HEATR5A: variants seen among roughly 807,000 people sequenced by gnomAD.
The protein encoded by HEATR5A is HEAT repeat containing 5A.
In HEATR5A, 178 loss-of-function variants were observed where a neutral mutation model predicts 218.8. The ratio of observed to expected loss-of-function variants is 0.81; its 90% CI spans 0.72 to 0.92. The LOEUF is 0.92. Ranked by LOEUF, HEATR5A falls within the 40% of genes least tolerant of loss-of-function variation. The probability of loss-of-function intolerance (pLI) is 0.00; values close to 1 mark genes in which losing one functional copy is unlikely to be tolerated. For missense variants in HEATR5A, 2,420 were observed against 2,418.9 expected (o/e 1.00, Z -0.01); for synonymous variants, 864 against 871.6 (o/e 0.99, Z 0.15).
intron 30 of HEATR5A, among the ~76,000 whole-genome samples, chr14:31,307,312 A>G (rs1899586501): frequency 6.6e-6 from 1 of 152,244 alleles, no homozygotes; most frequent in Non-Finnish European, 1.5e-5. Flanking sequence ...TATCAAAAGT[A>G]TCTGCCCAAT....
At chr14:31,371,551 C>T (rs1595147564) in intron 13 of HEATR5A, 1 of 258,076 alleles carries the variant, frequency 3.9e-6, no homozygotes, top group East Asian at 7.1e-5. Flanking sequence ...AAATGCATAG[C>T]TGAAAAGGTT....
chr14:31,389,697 A>T (rs1034414009), intron 6 of HEATR5A, among the ~76,000 whole-genome samples: 5 of 152,212 alleles, frequency 3.3e-5, no homozygotes, highest in Non-Finnish European at 7.3e-5. Flanking sequence ...ATTAATGGTC[A>T]CAAGCTCTGA....
In HEATR5A at chr14:31,305,047, C is replaced by A; in HGVS notation, c.5097G>T (p.Gln1699His). Residue 1699 changes from glutamine (Q) to histidine (H), a missense_variant, in exon 32 of 36, where the codon CAG (glutamine) becomes CAT (histidine). Physicochemically the swap from Gln to His is conservative, Grantham distance 24 (BLOSUM62 0). Transcript: ENST00000543095. Reference sequence around the variant, plus strand: ...TCAATTTAGGGTTTAATTCTGGGAGCTGTCTAACTAGAATGCATACACACA... The same window carrying A: ...TCAATTTAGGGTTTAATTCTGGGAGATGTCTAACTAGAATGCATACACACA... ...LELCVCILVR[Q>H]LPELNPKLTG... The A allele has an allele frequency of 6.2e-7, 1 of 1,613,930 alleles. No individual in the cohort carries two copies. The highest frequency in any genetic ancestry group is 1.1e-5 in the South Asian group (1 of 91,084).
chr14:31,372,046 G>A, intron 12 of HEATR5A, 137 bp from the exon 13 acceptor site: 1 of 495,260 alleles, frequency 2.0e-6, no homozygotes, highest in Non-Finnish European at 3.6e-6. Flanking sequence ...TGAAACTCTA[G>A]TATAAAAAGG....
chr14:31,405,890 T>C (rs2031043547), intron 1 of HEATR5A, among the ~76,000 whole-genome samples: 1 of 152,194 alleles, frequency 6.6e-6, no homozygotes, highest in Non-Finnish European at 1.5e-5. Context: ...AATTATTCAG[T>C]AAAAAGCTTG....
At position 31,358,914 on chromosome 14, in the gene HEATR5A, G is replaced by T; in HGVS notation, c.2215C>A (p.His739Asn). Residue 739 changes from histidine (H) to asparagine (N), a missense_variant, in exon 15 of 36, where the codon CAT becomes AAT. By Grantham distance (68) the His-to-Asn change is moderately conservative (BLOSUM62 1). Coordinates refer to ENST00000543095, the MANE Select transcript of HEATR5A (RefSeq NM_015473.4). The part of the protein sequence containing the change: ...ILSPFLQETD[H>N]RFIEEQLLLG... ...CATACCTGTTCTTCAATAAATCTAT[G>T]GTCAGTCTCTTGTAGGAAAGGACTT... 1 of 1,596,090 alleles carries T rather than the reference G, an allele frequency of 6.3e-7. No homozygotes were observed. The highest frequency in any genetic ancestry group is 1.1e-5 in the South Asian group (1 of 87,800).
chr14:31,296,093 T>A (rs1241474480), intron 33 of HEATR5A, 30 bp from the exon 34 acceptor site: 1 of 1,588,732 alleles, frequency 6.3e-7, no homozygotes, highest in African/African-American at 1.3e-5. Context: ...TAGAAACAGT[T>A]CATATTTACT....
chr14:31,312,819 G>A, intron 28 of HEATR5A, 149 bp downstream of exon 28: 9 of 633,976 alleles, frequency 1.4e-5, no homozygotes, highest in Non-Finnish European at 2.2e-5. Context: ...GATCGCCTGA[G>A]CCCAGGAGGC....
At chr14:31,364,715 C>T (rs987841602) in intron 13 of HEATR5A, among the ~76,000 whole-genome samples, 14 of 152,124 alleles carry the variant, frequency 9.2e-5, no homozygotes, top group Admixed American at 8.5e-4. Flanking sequence ...CAAGCCACCA[C>T]ACCTGGCCAC....
chr14:31,381,484 A>G (rs1198273079), intron 10 of HEATR5A, among the ~76,000 whole-genome samples: 3 of 148,238 alleles, frequency 2.0e-5, no homozygotes, highest in Non-Finnish European at 4.4e-5. Flanking sequence ...GAAATTCAAG[A>G]CCAGCCTAGG....
intron 33 of HEATR5A, among the ~76,000 whole-genome samples, chr14:31,299,162 C>A (rs760757724): frequency 5.3e-5 from 8 of 152,156 alleles, no homozygotes; most frequent in Non-Finnish European, 1.0e-4. Flanking sequence ...GTATCTCTAG[C>A]CCAGACTACT....
intron 22 of HEATR5A, among the ~76,000 whole-genome samples, chr14:31,333,504 G>A (rs1395695119): frequency 1.3e-5 from 2 of 151,790 alleles, no homozygotes; most frequent in Admixed American, 6.6e-5. Context: ...CACCCACCTC[G>A]GCCTTCCAAA....
rs756193669 is a variant in HEATR5A, at chr14:31,388,846, T to C, written c.932A>G (p.Gln311Arg). 6.2e-7 allele frequency: 1 copy of C among 1,613,232 alleles called. No homozygotes were observed. The highest frequency in any genetic ancestry group is 8.5e-7 in the Non-Finnish European group (1 of 1,179,340). The change falls in exon 7 of 36, where the codon CAG becomes CGG. Residue 311 changes from glutamine to arginine, a missense_variant and splice_region_variant. Gln to Arg is a conservative substitution (Grantham distance 43). Coordinates refer to ENST00000543095, the MANE Select transcript of HEATR5A (RefSeq NM_015473.4). Reference protein sequence around the residue: ...VSRDVRVGVTQAYVVFVSTLG... With the variant: ...VSRDVRVGVTRAYVVFVSTLG... ...GAGATACTGATTTGTGATTCCAACC[T>C]GAGTAACTCCAACTCGAACATCCCT... is the stretch of plus-strand genomic sequence containing the variant.
intron 2 of HEATR5A, among the ~76,000 whole-genome samples, chr14:31,402,383 T>C (rs1162902577): frequency 6.6e-6 from 1 of 152,192 alleles, no homozygotes; most frequent in Non-Finnish European, 1.5e-5. Context: ...AGTGATCAGT[T>C]TTCCTTTTTC....
chr14:31,379,629 TAA>T (rs1292582892), intron 11 of HEATR5A, among the ~76,000 whole-genome samples: 1 of 152,128 alleles, frequency 6.6e-6, no homozygotes, highest in African/African-American at 2.4e-5. Context: ...GTAATAAAAT[TAA>T]GTTTCATTAG....
Position 31,386,415 on chromosome 14 carries a change from T to C in HEATR5A, c.1345+5A>G, listed in dbSNP as rs745394579. 3.7e-6 allele frequency: 6 copies of C among 1,612,096 alleles called. No homozygotes were observed. Among genetic ancestry groups the C allele is most frequent in the Non-Finnish European group, 5.1e-6 (6 of 1,178,646 alleles). Reference sequence around the variant, plus strand: ...GGTATTCCAATGAGTCACAAACAGATATACCTGTACTTGAATCCTGTAGCA... The same window carrying C: ...GGTATTCCAATGAGTCACAAACAGACATACCTGTACTTGAATCCTGTAGCA... On this transcript the variant is annotated splice_donor_5th_base_variant and intron_variant, in intron 9 of 35. Transcript: ENST00000543095.
intron 11 of HEATR5A, among the ~76,000 whole-genome samples, chr14:31,378,159 TAACA>T (rs2029867390): frequency 6.6e-6 from 1 of 152,184 alleles, no homozygotes. Context: ...TGCTTTGGTC[TAACA>T]AACACTTTCT....
At chr14:31,391,076 T>C (rs1200025213) in intron 6 of HEATR5A, among the ~76,000 whole-genome samples, 1 of 152,116 alleles carries the variant, frequency 6.6e-6, no homozygotes, top group Non-Finnish European at 1.5e-5. Flanking sequence ...ATTTTTTTAA[T>C]AGAAAAAAGC....
In HEATR5A at chr14:31,308,951, C is replaced by T. The variant is rs1432094121; in HGVS notation, c.4673G>A (p.Arg1558Lys). The T allele has an allele frequency of 1.2e-6, 2 of 1,612,784 alleles. No individual in the cohort carries two copies. The highest frequency in any genetic ancestry group is 1.7e-6 in the Non-Finnish European group (2 of 1,179,352). ...IKSPEDVYTD[R>K]FHLILGISVE... ...TAACTGACCTAAAATAAGATGGAAT[C>T]TATCAGTGTAGACATCCTCAGGGGA... is the stretch of plus-strand genomic sequence containing the variant. Residue 1558 changes from arginine to lysine, a missense_variant, in exon 29 of 36, where the codon AGA becomes AAA. Arg to Lys is a conservative substitution (Grantham distance 26). Transcript: ENST00000543095.
Sources: gnomAD v4.1 joint callset for allele counts (sites outside exome capture counted in the v4.1 genomes callset) on GRCh38, gnomAD v4.1.1 for gene constraint, MANE v1.5 for transcripts, NCBI Gene and HGNC (gene_info 2026-07-23, HGNC 2026-07-21) for gene names.